Variants in ASIC2 observed in about 807,000 individuals in gnomAD.
ASIC2 encodes acid sensing ion channel subunit 2.
Under a neutral mutation model 57.3 loss-of-function variants are expected in ASIC2, and 25 were observed. The ratio of observed to expected loss-of-function variants is 0.44; its 90% confidence interval spans 0.32 to 0.61. ASIC2 has a LOEUF of 0.61. ASIC2 is among the 20% of genes least tolerant of loss of function. The pLI is 0.06. For missense variants in ASIC2, 641 were observed against 738.1 expected (o/e 0.87, Z 1.52); for synonymous variants, 319 against 307.5 (o/e 1.04, Z -0.39).
intron 1 of ASIC2, among the ~76,000 whole-genome samples, chr17:33,940,499 CCCCT>C (rs1333488749): frequency 1.3e-5 from 2 of 152,110 alleles, no homozygotes; most frequent in East Asian, 3.9e-4. Context: ...GATACATAAC[CCCCT>C]CCCTCCCTCC....
chr17:33,844,020 G>C (rs1567732048), intron 1 of ASIC2, among the ~76,000 whole-genome samples: 2 of 152,066 alleles, frequency 1.3e-5, no homozygotes, highest in Non-Finnish European at 2.9e-5. Flanking sequence ...AGGTGTTCAG[G>C]CATAAATTTA....
chr17:33,512,287 G>A (rs1001279819), intron 1 of ASIC2, among the ~76,000 whole-genome samples: 2 of 152,164 alleles, frequency 1.3e-5, no homozygotes, highest in African/African-American at 4.8e-5. Context: ...AGAGGCTAGA[G>A]CCTGGAAGAA....
At chr17:33,786,677 C>T (rs549547608) in intron 1 of ASIC2, among the ~76,000 whole-genome samples, 2 of 152,260 alleles carry the variant, frequency 1.3e-5, no homozygotes, top group East Asian at 3.9e-4. Flanking sequence ...ATTCATGAGA[C>T]TCCTGGCCCC....
At chr17:34,038,933 T>A in intron 1 of ASIC2, 5 of 1,612,810 alleles carry the variant, frequency 3.1e-6, no homozygotes, top group Non-Finnish European at 4.2e-6. Context: ...AGCATAACCA[T>A]CTGTCCACTG....
intron 1 of ASIC2, among the ~76,000 whole-genome samples, chr17:33,821,393 TG>T (rs1912741925): frequency 6.6e-6 from 1 of 152,180 alleles, no homozygotes; most frequent in Admixed American, 6.5e-5. Flanking sequence ...AGCTAATCTT[TG>T]TTGAGTCTAT....
At chr17:33,312,392 C>T (rs1906465794) in intron 1 of ASIC2, among the ~76,000 whole-genome samples, 1 of 152,116 alleles carries the variant, frequency 6.6e-6, no homozygotes, top group Admixed American at 6.6e-5. Flanking sequence ...TAGGAAGTGA[C>T]CTTTCTGCCA....
intron 1 of ASIC2, among the ~76,000 whole-genome samples, chr17:33,957,750 C>G (rs1045461361): frequency 6.6e-6 from 1 of 152,132 alleles, no homozygotes. Flanking sequence ...CCTGGCCCCT[C>G]CCAAATCTCA....
At chr17:33,825,138 C>G (rs1304231635) in intron 1 of ASIC2, among the ~76,000 whole-genome samples, 2 of 152,168 alleles carry the variant, frequency 1.3e-5, no homozygotes, top group Non-Finnish European at 2.9e-5. Context: ...TTTACCATGT[C>G]TTCTATTTTT....
intron 1 of ASIC2, among the ~76,000 whole-genome samples, chr17:33,778,360 C>T (rs1321686176): frequency 6.6e-6 from 1 of 152,164 alleles, no homozygotes; most frequent in African/African-American, 2.4e-5. Flanking sequence ...CACCTCATCC[C>T]CTGCCCTTGC....
At chr17:33,144,159 A>AAC (rs202041350) in intron 1 of ASIC2, among the ~76,000 whole-genome samples, 3,442 of 81,642 alleles carry the variant, frequency 0.042, 138 homozygotes, top group African/African-American at 0.14. Flanking sequence ...CAAACAAACA[A>AAC]AAAAAAAAAC....
chr17:33,926,036 G>A (rs1417663918), intron 1 of ASIC2, among the ~76,000 whole-genome samples: 3 of 152,180 alleles, frequency 2.0e-5, no homozygotes, highest in East Asian at 1.9e-4. Context: ...GTTAACATTA[G>A]TAGATCTCTT....
intron 1 of ASIC2, among the ~76,000 whole-genome samples, chr17:33,325,421 T>C (rs1272064164): frequency 6.6e-6 from 1 of 152,090 alleles, no homozygotes; most frequent in Non-Finnish European, 1.5e-5. Context: ...GAAGAGAGGA[T>C]GGCTTGCATG....
At chr17:33,283,644 G>T (rs1905044847) in intron 1 of ASIC2, among the ~76,000 whole-genome samples, 1 of 152,158 alleles carries the variant, frequency 6.6e-6, no homozygotes, top group African/African-American at 2.4e-5. Context: ...AGGAAGCAAA[G>T]GTATATGGGG....
At chr17:33,416,164 C>T (rs1272308935) in intron 1 of ASIC2, among the ~76,000 whole-genome samples, 1 of 152,178 alleles carries the variant, frequency 6.6e-6, no homozygotes, top group East Asian at 1.9e-4. Flanking sequence ...TGAGATGTGA[C>T]TATGCTGGAG....
chr17:33,989,328 G>T (rs1174476944), intron 1 of ASIC2, among the ~76,000 whole-genome samples: 6 of 152,072 alleles, frequency 3.9e-5, no homozygotes, highest in Non-Finnish European at 7.4e-5. Flanking sequence ...AGGCCTCCAG[G>T]ATTGGGAGGT....
At chr17:34,099,213 G>GA in intron 1 of ASIC2, among the ~76,000 whole-genome samples, 1 of 101,716 alleles carries the variant, frequency 9.8e-6, no homozygotes, top group African/African-American at 4.9e-5. Flanking sequence ...AGAAAGAAAG[G>GA]AAAGAAAAGA....
At chr17:33,240,920 T>C (rs1160032032) in intron 1 of ASIC2, among the ~76,000 whole-genome samples, 1 of 152,150 alleles carries the variant, frequency 6.6e-6, no homozygotes, top group Non-Finnish European at 1.5e-5. Context: ...ATATCTGGTG[T>C]TTTTAGCTCT....
chr17:33,969,154 T>G (rs750636448), intron 1 of ASIC2, among the ~76,000 whole-genome samples: 5 of 152,206 alleles, frequency 3.3e-5, no homozygotes, highest in African/African-American at 4.8e-5. Context: ...CAACCAGTAG[T>G]AAGATTAGGC....
intron 1 of ASIC2, among the ~76,000 whole-genome samples, chr17:34,085,130 A>C (rs1910058346): frequency 6.6e-6 from 1 of 152,160 alleles, no homozygotes; most frequent in African/African-American, 2.4e-5. Flanking sequence ...TTTCAAAGGG[A>C]ATGCTTCCAG....
Sources: gnomAD v4.1 joint callset for allele counts (sites outside exome capture counted in the v4.1 genomes callset) on GRCh38, gnomAD v4.1.1 for gene constraint, MANE v1.5 for transcripts, NCBI Gene and HGNC (gene_info 2026-07-23, HGNC 2026-07-21) for gene names.